The following MYH15 variants were observed in gnomAD, a reference collection of about 807,000 sequenced individuals.
MYH15 encodes the protein myosin heavy chain 15.
In MYH15, 227 loss-of-function variants were observed where a neutral mutation model predicts 240.5. The ratio of observed to expected loss-of-function variants is 0.94; its 90% CI spans 0.85 to 1.05. MYH15 has a LOEUF of 1.05. Ranked by LOEUF, MYH15 falls within the 50% of genes least tolerant of loss-of-function variation. The probability of loss-of-function intolerance (pLI) is 0.00; values close to 1 mark genes in which losing one functional copy is unlikely to be tolerated. For synonymous variants in MYH15, 785 were observed against 796.7 expected (o/e 0.99, Z 0.25); for missense variants, 2,217 against 2,247.5 (o/e 0.99, Z 0.27).
At chr3:108,389,248 C>G (rs937418222) in intron 37 of MYH15, among the ~76,000 whole-genome samples, 174 bp from the exon 38 acceptor site, 1 of 152,266 alleles carries the variant, frequency 6.6e-6, no homozygotes, top group Non-Finnish European at 1.5e-5. Context: ...AAAGTAAGAT[C>G]TTTTATGGAT....
chr3:108,405,755 T>C (rs1418930834), intron 32 of MYH15, among the ~76,000 whole-genome samples: 1 of 152,226 alleles, frequency 6.6e-6, no homozygotes, highest in African/African-American at 2.4e-5. Flanking sequence ...TTTTAATGTA[T>C]TACCCTTGAC....
Position 108,485,097 on chromosome 3 carries a change from T to C in MYH15, c.1108A>G (p.Thr370Ala). The change falls in exon 11 of 41, where the codon ACA becomes GCA. Residue 370 changes from threonine (T) to alanine (A), a missense_variant. Physicochemically the swap from Thr to Ala is moderately conservative, Grantham distance 58. Coordinates refer to ENST00000693548, the MANE Select transcript of MYH15 (RefSeq NM_014981.3). Reference protein sequence around the residue: ...PREEQLEADGTENADKAAFLM... With the variant: ...PREEQLEADGAENADKAAFLM... ...TCTTCAAAGTAATTCTTACTTTCTG[T>C]GCCATCTGCTTCCAGTTGCTCTTCT... is the stretch of plus-strand genomic sequence containing the variant. The C allele has an allele frequency of 6.2e-7, 1 of 1,614,042 alleles. No homozygotes were observed. Among genetic ancestry groups the C allele is most frequent in the Admixed American group, 1.7e-5 (1 of 60,014 alleles).
the MYH15 span, among the ~76,000 whole-genome samples, chr3:108,547,192 CGT>C: frequency 6.6e-6 from 1 of 151,768 alleles, no homozygotes; most frequent in Non-Finnish European, 1.5e-5. Flanking sequence ...TTTGTGGAGA[CGT>C]GTGTCACTTT....
intron 22 of MYH15, 46 bp downstream of exon 22, chr3:108,444,594 T>C: frequency 6.3e-7 from 1 of 1,597,684 alleles, no homozygotes; most frequent in Non-Finnish European, 8.5e-7. Context: ...AACAAGGGAG[T>C]CTAATTAAAA....
At position 108,493,182 on chromosome 3, in the gene MYH15, T is replaced by TCC. The variant is rs749827681; in HGVS notation, c.712-6_712-5insGG. ...GTGCATCCTGATGAATTTGCCCTAG[T>TCC]GTGGACACAGAACACAGTCAGACAC... On this transcript the variant is annotated splice_polypyrimidine_tract_variant and splice_region_variant and intron_variant, in intron 7 of 40. Coordinates refer to ENST00000693548, the MANE Select transcript of MYH15 (RefSeq NM_014981.3). 29 of 1,613,690 alleles carry TCC rather than the reference T, an allele frequency of 1.8e-5. No homozygotes were observed. The Middle Eastern group carries it at 6.6e-4, about 37-fold the overall frequency.
chr3:108,419,354 A>T (rs2082662890), intron 28 of MYH15, among the ~76,000 whole-genome samples: 1 of 152,248 alleles, frequency 6.6e-6, no homozygotes, highest in Admixed American at 6.5e-5. Flanking sequence ...AAAAAGGAAG[A>T]AAAAAATCCT....
chr3:108,505,972 T>C (rs891739998), intron 1 of MYH15, 143 bp from the exon 2 acceptor site: 1 of 524,762 alleles, frequency 1.9e-6, no homozygotes, highest in Non-Finnish European at 3.3e-6. Context: ...TCAGATAAAA[T>C]CATGAAAGCT....
At position 108,410,679 on chromosome 3, in the gene MYH15, G is replaced by A; in HGVS notation, c.4399C>T (p.Gln1467Ter). Residue 1467 changes from glutamine (Q) to a stop codon, truncating the protein, a stop_gained, in exon 31 of 41, where the codon CAG becomes TAG. Coordinates refer to ENST00000693548, the MANE Select transcript of MYH15 (RefSeq NM_014981.3). LOFTEE classifies it high-confidence loss of function. The stretch of plus-strand genomic sequence containing the variant: ...TTGAGGAGCTCTGTACTGAGAGCCT[G>A]AACTTCCTTCTGAGAGGCATCCAGC... ...ALLDASQKEV[Q>*]ALSTELLKLK... The A allele has an allele frequency of 2.5e-6, 4 of 1,614,174 alleles. No individual in the cohort carries two copies. The highest frequency in any genetic ancestry group is 2.5e-6 in the Non-Finnish European group (3 of 1,180,018).
the MYH15 span, among the ~76,000 whole-genome samples, chr3:108,538,468 A>G: frequency 1.3e-5 from 2 of 152,204 alleles, no homozygotes; most frequent in Non-Finnish European, 2.9e-5. Flanking sequence ...CTTTAATTTC[A>G]TAAGGCATTT....
At chr3:108,396,745 C>T (rs890374227) in intron 35 of MYH15, among the ~76,000 whole-genome samples, 3 of 152,208 alleles carry the variant, frequency 2.0e-5, no homozygotes, top group Non-Finnish European at 4.4e-5. Flanking sequence ...AACCTACAGA[C>T]TATTTGTTCT....
the MYH15 span, among the ~76,000 whole-genome samples, chr3:108,545,696 C>T: frequency 3.2e-5 from 3 of 94,548 alleles, no homozygotes; most frequent in Non-Finnish European, 7.5e-5. Flanking sequence ...TATACACATA[C>T]ACACACACAC....
At chr3:108,494,691 A>C (rs898549784) in intron 7 of MYH15, among the ~76,000 whole-genome samples, 1 of 152,022 alleles carries the variant, frequency 6.6e-6, no homozygotes, top group African/African-American at 2.4e-5. Flanking sequence ...ACAAAGTCTC[A>C]CTGTGTTATC....
intron 29 of MYH15, among the ~76,000 whole-genome samples, chr3:108,415,123 GC>G (rs1331726535): frequency 5.3e-5 from 8 of 152,096 alleles, no homozygotes; most frequent in Non-Finnish European, 1.2e-4. Context: ...GTATTGGACG[GC>G]CCTGCTGGGT....
Position 108,416,834 on chromosome 3 carries a change from C to T in MYH15, c.3926G>A (p.Gly1309Glu), listed in dbSNP as rs1412801804. 4.3e-6 allele frequency: 7 copies of T among 1,613,670 alleles called. No individual in the cohort carries two copies. Among genetic ancestry groups the T allele is most frequent in the South Asian group, 3.3e-5 (3 of 91,032 alleles). ...TACTTTGGTCTCCTTTTCCAGCTGC[C>T]CTCTCAGGTCTTCAATCTGCCGAGT... ...NFTRQIEDLR[G>E]QLEKETKSQS... The change falls in exon 29 of 41, where the codon GGG becomes GAG. Residue 1309 changes from glycine to glutamate, a missense_variant. Coordinates refer to ENST00000693548, the MANE Select transcript of MYH15 (RefSeq NM_014981.3).
At chr3:108,548,522 G>T in the MYH15 span, among the ~76,000 whole-genome samples, 1 of 152,090 alleles carries the variant, frequency 6.6e-6, no homozygotes, top group Non-Finnish European at 1.5e-5. Context: ...GCAATAGCAG[G>T]GTTGAGTTGT....
rs199782617 is a variant in MYH15, at chr3:108,408,353, G to A, written c.4547C>T (p.Thr1516Ile). 3.2e-5 allele frequency: 51 copies of A among 1,613,270 alleles called. No individual in the cohort carries two copies. In the Admixed American group the frequency reaches 8.5e-4, roughly 27 times the overall value. Residue 1516 changes from threonine to isoleucine, a missense_variant, in exon 32 of 41, where the codon ACT becomes ATT. Physicochemically the swap from Thr to Ile is moderately conservative, Grantham distance 89. Transcript: ENST00000693548. Reference protein sequence around the residue: ...NQVREGTKNLTEMEKVKKLIE... With the variant: ...NQVREGTKNLIEMEKVKKLIE... ...TAGTTTCTTGACCTTTTCCATTTCAGTTAAGTTCTTGGTCCCTTCTCTAAC... is the reference window on the plus strand; with the variant it reads ...TAGTTTCTTGACCTTTTCCATTTCAATTAAGTTCTTGGTCCCTTCTCTAAC...
chr3:108,523,220 G>A (rs1438421330), intron 1 of MYH15, among the ~76,000 whole-genome samples: 1 of 151,840 alleles, frequency 6.6e-6, no homozygotes, highest in East Asian at 1.9e-4. Context: ...TCTGGATGGT[G>A]GGATTATGGA....
At chr3:108,382,082 A>T (rs1202337332) in intron 40 of MYH15, among the ~76,000 whole-genome samples, 1 of 152,216 alleles carries the variant, frequency 6.6e-6, no homozygotes, top group Non-Finnish European at 1.5e-5. Context: ...AATGCATGGC[A>T]TCTGTTTTGA....
chr3:108,408,341 T>A lies in MYH15; in HGVS notation c.4559A>T (p.Lys1520Met). ...EGTKNLTEMEKVKKLIEEEKT... is the reference protein window; with the variant it reads ...EGTKNLTEMEMVKKLIEEEKT... ...CTCTTCTTCAATTAGTTTCTTGACC[T>A]TTTCCATTTCAGTTAAGTTCTTGGT... is the stretch of plus-strand genomic sequence containing the variant. The change falls in exon 32 of 41, where the codon AAG becomes ATG. Residue 1520 changes from lysine (K) to methionine (M), a missense_variant. By Grantham distance (95) the Lys-to-Met change is moderately conservative (BLOSUM62 -1). Coordinates refer to ENST00000693548, the MANE Select transcript of MYH15 (RefSeq NM_014981.3). 1 of 1,613,202 alleles carries A rather than the reference T, an allele frequency of 6.2e-7. No individual in the cohort carries two copies. The highest frequency in any genetic ancestry group is 1.7e-4 in the Middle Eastern group (1 of 6,058).
Sources: allele counts gnomAD v4.1 joint callset (sites outside exome capture counted in the v4.1 genomes callset), GRCh38; gene constraint gnomAD v4.1.1; transcripts MANE v1.5; gene names NCBI Gene and HGNC (gene_info 2026-07-23, HGNC 2026-07-21).